MTUS2: variants seen among roughly 807,000 people sequenced by gnomAD.
MTUS2 encodes the protein microtubule-associated tumor suppressor candidate 2.
In MTUS2, 40 loss-of-function variants were observed where a neutral mutation model predicts 114.1. That is an observed-to-expected ratio of 0.35 (90% CI 0.27 to 0.46). The LOEUF (loss-of-function observed/expected upper bound fraction) is 0.46, where lower values mean the gene tolerates loss of function less well. Ranked by LOEUF, MTUS2 falls within the 20% of genes least tolerant of loss-of-function variation. The pLI is 1.00. For missense variants in MTUS2, 1,679 were observed against 1,705.4 expected, an observed-to-expected ratio of 0.98 and a Z score of 0.27; for synonymous variants, 688 against 672.0, an observed-to-expected ratio of 1.02 and a Z score of -0.37.
chr13:29,006,211 T>G (rs1267877694), intron 2 of MTUS2, among the ~76,000 whole-genome samples: 1 of 152,094 alleles, frequency 6.6e-6, no homozygotes, highest in African/African-American at 2.4e-5. Flanking sequence ...TCTTCCCAGG[T>G]GCTGCAAAAG....
At chr13:29,092,100 G>A (rs1291131181) in intron 4 of MTUS2, among the ~76,000 whole-genome samples, 1 of 152,190 alleles carries the variant, frequency 6.6e-6, no homozygotes, top group Non-Finnish European at 1.5e-5. Flanking sequence ...AAATGCCTAG[G>A]CAGATAGGGT....
chr13:29,070,154 G>A (rs139620270), intron 4 of MTUS2, among the ~76,000 whole-genome samples: 2 of 152,218 alleles, frequency 1.3e-5, no homozygotes, highest in African/African-American at 4.8e-5. Flanking sequence ...TTTCTATCTC[G>A]GGATGGCTTT....
intron 6 of MTUS2, among the ~76,000 whole-genome samples, chr13:29,296,384 T>G (rs1898946128): frequency 6.6e-6 from 1 of 152,072 alleles, no homozygotes; most frequent in Non-Finnish European, 1.5e-5. Context: ...AAAAAAAATT[T>G]TTTTTTTGTA....
chr13:28,867,447 G>A (rs930486505), intron 2 of MTUS2, among the ~76,000 whole-genome samples: 2 of 145,526 alleles, frequency 1.4e-5, no homozygotes, highest in East Asian at 2.0e-4. Flanking sequence ...AGGGGCTTCC[G>A]GAGAAGAATG....
chr13:29,218,324 C>T (rs758694865), intron 5 of MTUS2, among the ~76,000 whole-genome samples: 12 of 152,264 alleles, frequency 7.9e-5, no homozygotes, highest in Non-Finnish European at 1.2e-4. Context: ...AATTCTCATT[C>T]GTTTGCTATT....
intron 2 of MTUS2, among the ~76,000 whole-genome samples, chr13:28,984,449 C>G (rs1402698519): frequency 6.6e-6 from 1 of 152,194 alleles, no homozygotes; most frequent in Non-Finnish European, 1.5e-5. Context: ...TTGAGCAAAT[C>G]ATTCACCTTC....
chr13:29,343,467 G>C (rs1901505398), intron 7 of MTUS2, among the ~76,000 whole-genome samples: 1 of 151,934 alleles, frequency 6.6e-6, no homozygotes, highest in African/African-American at 2.4e-5. Context: ...AGCCTGGAAT[G>C]ATCTTTTGTA....
intron 8 of MTUS2, among the ~76,000 whole-genome samples, chr13:29,420,283 C>T (rs1566190453): frequency 6.5e-5 from 9 of 137,458 alleles, no homozygotes; most frequent in African/African-American, 8.1e-5. Flanking sequence ...TCTTTCTTTC[C>T]TTTTTTTTTT....
At chr13:28,998,941 G>T (rs760734780) in intron 2 of MTUS2, among the ~76,000 whole-genome samples, 1 of 152,130 alleles carries the variant, frequency 6.6e-6, no homozygotes, top group Non-Finnish European at 1.5e-5. Flanking sequence ...GAGGAGCTGC[G>T]TTCCTTTGGA....
chr13:29,346,385 T>C (rs1412690436), intron 7 of MTUS2, among the ~76,000 whole-genome samples: 1 of 152,098 alleles, frequency 6.6e-6, no homozygotes. Context: ...CCTGTGGCTG[T>C]TGTGGAGGAT....
chr13:28,841,107 T>A (rs1001491984), intron 2 of MTUS2, among the ~76,000 whole-genome samples: 1 of 148,108 alleles, frequency 6.8e-6, no homozygotes, highest in Non-Finnish European at 1.5e-5. Flanking sequence ...AGATTTGCTT[T>A]CAGAATGTCG....
At chr13:29,046,542 T>C (rs1473851951) in intron 4 of MTUS2, among the ~76,000 whole-genome samples, 3 of 152,356 alleles carry the variant, frequency 2.0e-5, no homozygotes, top group East Asian at 3.9e-4. Context: ...CCCATCTGCC[T>C]GTTCTCTTTT....
chr13:29,235,765 A>C (rs1428757906), intron 5 of MTUS2, among the ~76,000 whole-genome samples: 1 of 152,018 alleles, frequency 6.6e-6, no homozygotes, highest in Non-Finnish European at 1.5e-5. Flanking sequence ...TTCTAGGATT[A>C]TTTTTCTCTG....
At chr13:29,118,049 G>A (rs562976226) in intron 5 of MTUS2, among the ~76,000 whole-genome samples, 1 of 152,236 alleles carries the variant, frequency 6.6e-6, no homozygotes, top group African/African-American at 2.4e-5. Context: ...ATGAAAAATA[G>A]ACCACGTCTC....
rs1003986988 is a variant in MTUS2, at chr13:29,497,218, C to A, written c.3580-20C>A. 6.2e-7 allele frequency: 1 copy of A among 1,609,170 alleles called. No homozygotes were observed. Among genetic ancestry groups the A allele is most frequent in the Non-Finnish European group, 8.5e-7 (1 of 1,177,218 alleles). ...TGTCTGTAGTGGCCCCAGCTGGACT[C>A]CTTGTATCATTACTTGCAGGACCAG... On this transcript the variant is annotated intron_variant, in intron 12 of 15. Coordinates refer to ENST00000612955, the MANE Select transcript of MTUS2 (RefSeq NM_001033602.4).
At chr13:29,302,239 C>T (rs1309672563) in intron 6 of MTUS2, among the ~76,000 whole-genome samples, 5 of 152,188 alleles carry the variant, frequency 3.3e-5, no homozygotes, top group African/African-American at 1.2e-4. Context: ...TGACAGCCCA[C>T]CCAGGAGTGG....
At chr13:29,436,455 A>G (rs997579114) in intron 8 of MTUS2, among the ~76,000 whole-genome samples, 3 of 152,234 alleles carry the variant, frequency 2.0e-5, no homozygotes, top group Non-Finnish European at 4.4e-5. Flanking sequence ...TGCCTGGACT[A>G]CAGAGAGTGT....
intron 7 of MTUS2, among the ~76,000 whole-genome samples, chr13:29,337,342 C>T (rs1901117972): frequency 6.6e-6 from 1 of 152,138 alleles, no homozygotes; most frequent in Admixed American, 6.5e-5. Context: ...CAGTTTCTGG[C>T]CCAAATGCAC....
chr13:29,010,165 C>T (rs7986484), intron 2 of MTUS2, among the ~76,000 whole-genome samples: 75,549 of 149,206 alleles, frequency 0.51, 19,286 homozygotes, highest in South Asian at 0.72. Flanking sequence ...GAGGTGAGAT[C>T]GCACCACTGC....
Sources: gnomAD v4.1 joint callset for allele counts (sites outside exome capture counted in the v4.1 genomes callset) on GRCh38, gnomAD v4.1.1 for gene constraint, MANE v1.5 for transcripts, NCBI Gene and HGNC (gene_info 2026-07-23, HGNC 2026-07-21) for gene names.